KCNQ5: variants seen among roughly 807,000 people sequenced by gnomAD.
KCNQ5 encodes the protein potassium voltage-gated channel subfamily Q member 5, also known as potassium voltage-gated channel subfamily KQT member 5.
In KCNQ5, 30 loss-of-function variants were observed where a neutral mutation model predicts 98.2. The observed-to-expected ratio is 0.31, with a 90% CI of 0.23 to 0.41. The LOEUF (loss-of-function observed/expected upper bound fraction) is 0.41. Ranked by LOEUF, KCNQ5 falls within the 10% of genes least tolerant of loss-of-function variation. The pLI is 1.00. For missense variants in KCNQ5, 835 were observed against 1,182.5 expected (o/e 0.71, Z 4.31); for synonymous variants, 458 against 449.4 (o/e 1.02, Z -0.24).
intron 1 of KCNQ5, among the ~76,000 whole-genome samples, chr6:72,825,150 C>A (rs1460848375): frequency 6.7e-5 from 10 of 149,852 alleles, no homozygotes; most frequent in South Asian, 2.1e-4. Context: ...ACAACAACAA[C>A]AACAAAAAAA....
At chr6:72,881,402 A>G (rs1430419153) in intron 1 of KCNQ5, among the ~76,000 whole-genome samples, 1 of 152,216 alleles carries the variant, frequency 6.6e-6, no homozygotes, top group Non-Finnish European at 1.5e-5. Context: ...TTCTTCAAGT[A>G]TGTCTCTGAT....
intron 1 of KCNQ5, among the ~76,000 whole-genome samples, chr6:72,998,990 T>C (rs944970768): frequency 6.6e-6 from 1 of 152,206 alleles, no homozygotes; most frequent in African/African-American, 2.4e-5. Flanking sequence ...CATTGCATCA[T>C]TCACAATTGT....
Position 72,622,598 on chromosome 6 carries a change from G to A in KCNQ5, c.398+11G>A, listed in dbSNP as rs1343742521. 1 of 1,611,738 alleles carries A rather than the reference G, an allele frequency of 6.2e-7. No individual in the cohort carries two copies. The highest frequency in any genetic ancestry group is 1.3e-5 in the African/African-American group (1 of 74,920). ...CTACCACGCTTTCGTGTGAGTACCCGCGCCCCCTGCTATGCCCGCTGCAGG... is the reference window on the plus strand; with the variant it reads ...CTACCACGCTTTCGTGTGAGTACCCACGCCCCCTGCTATGCCCGCTGCAGG... On this transcript the variant is annotated intron_variant, in intron 1 of 13. Transcript: ENST00000370398. This position sits in a 1 kb window ranked among gnomAD's most constrained non-coding sequence, Gnocchi z 6.0.
At chr6:72,910,431 A>G (rs188588133) in intron 1 of KCNQ5, among the ~76,000 whole-genome samples, 3 of 152,212 alleles carry the variant, frequency 2.0e-5, no homozygotes, top group Admixed American at 1.3e-4. Flanking sequence ...TAAGAATTGC[A>G]TTTTTTCTAC....
At chr6:73,083,491 A>T (rs1364946474) in intron 5 of KCNQ5, among the ~76,000 whole-genome samples, 1 of 152,214 alleles carries the variant, frequency 6.6e-6, no homozygotes, top group Non-Finnish European at 1.5e-5. Flanking sequence ...AAAAAAAGTT[A>T]ATTTTAAAAA....
intron 1 of KCNQ5, among the ~76,000 whole-genome samples, chr6:72,709,987 A>C (rs35823995): frequency 0.069 from 10,451 of 152,210 alleles, 502 homozygotes; most frequent in Middle Eastern, 0.16. Flanking sequence ...AAATAAAGCT[A>C]TATAAGGGCA....
intron 1 of KCNQ5, among the ~76,000 whole-genome samples, chr6:72,634,779 G>A (rs35761287): frequency 0.12 from 18,329 of 152,100 alleles, 1,532 homozygotes; most frequent in Middle Eastern, 0.23. Context: ...TGTTGACCAG[G>A]CTGGTCTCGA....
intron 10 of KCNQ5, chr6:73,143,318 C>A (rs1776793482): frequency 6.6e-6 from 1 of 152,190 alleles, no homozygotes; most frequent in Non-Finnish European, 1.5e-5. Flanking sequence ...TGCAAAGTAT[C>A]TTCCTTAGCC....
intron 1 of KCNQ5, among the ~76,000 whole-genome samples, chr6:72,777,519 C>T (rs1262786159): frequency 4.2e-4 from 64 of 152,124 alleles, no homozygotes; most frequent in Non-Finnish European, 2.9e-5. Context: ...CACACATTAG[C>T]CCCGAGCTAC....
At chr6:72,651,765 A>G (rs1765886870) in intron 1 of KCNQ5, among the ~76,000 whole-genome samples, 1 of 152,050 alleles carries the variant, frequency 6.6e-6, no homozygotes, top group Non-Finnish European at 1.5e-5. Context: ...CCTTTAAACT[A>G]CTAATGGAGG....
At chr6:73,173,438 C>T (rs949072160) in intron 11 of KCNQ5, among the ~76,000 whole-genome samples, 3 of 152,142 alleles carry the variant, frequency 2.0e-5, no homozygotes, top group African/African-American at 4.8e-5. Context: ...ATACCTATTT[C>T]GTAGTAGATC....
intron 1 of KCNQ5, among the ~76,000 whole-genome samples, chr6:72,900,484 T>G (rs1344557673): frequency 6.8e-6 from 1 of 147,966 alleles, no homozygotes; most frequent in Non-Finnish European, 1.5e-5. Flanking sequence ...TTCCATCATA[T>G]ATATATATAT....
chr6:72,880,257 C>A (rs10805969), intron 1 of KCNQ5, among the ~76,000 whole-genome samples: 41,101 of 152,056 alleles, frequency 0.27, 5,819 homozygotes, highest in Admixed American at 0.3. Flanking sequence ...GTTTTAAACT[C>A]TGGGAAGTTC....
chr6:72,765,250 T>C (rs368423651), intron 1 of KCNQ5, among the ~76,000 whole-genome samples: 3 of 152,164 alleles, frequency 2.0e-5, no homozygotes, highest in African/African-American at 7.2e-5. Context: ...AGTGTACAAG[T>C]GTTCCCTTTT....
At chr6:72,623,274 CG>C (rs1194935900) in intron 1 of KCNQ5, among the ~76,000 whole-genome samples, 13 of 152,068 alleles carry the variant, frequency 8.5e-5, no homozygotes, top group Admixed American at 8.5e-4. Flanking sequence ...GGGGAGGCAG[CG>C]GGGAACCTGG....
intron 1 of KCNQ5, among the ~76,000 whole-genome samples, chr6:72,623,692 G>T (rs1485106109): frequency 1.3e-5 from 2 of 150,774 alleles, no homozygotes; most frequent in South Asian, 2.1e-4. Context: ...TATTATTTCT[G>T]CTTCTTTTTT....
intron 1 of KCNQ5, among the ~76,000 whole-genome samples, chr6:72,934,479 A>C (rs1464503000): frequency 6.6e-6 from 1 of 152,174 alleles, no homozygotes; most frequent in Non-Finnish European, 1.5e-5. Flanking sequence ...AATAAAACTA[A>C]ATAAAATGCC....
At chr6:72,705,904 T>A (rs941982927) in intron 1 of KCNQ5, among the ~76,000 whole-genome samples, 2 of 152,014 alleles carry the variant, frequency 1.3e-5, no homozygotes, top group Admixed American at 1.3e-4. Context: ...GGGTATTGCT[T>A]CTTACCAAAA....
intron 1 of KCNQ5, among the ~76,000 whole-genome samples, chr6:72,795,177 G>A (rs944034352): frequency 1.2e-4 from 19 of 152,226 alleles, no homozygotes; most frequent in Admixed American, 3.9e-4. Context: ...GGGGGAGTGC[G>A]TGTCTTATTG....
Sources: gnomAD v4.1 joint callset for allele counts (sites outside exome capture counted in the v4.1 genomes callset) on GRCh38, gnomAD v4.1.1 for gene constraint, Gnocchi (gnomAD v3.1) non-coding constraint, MANE v1.5 for transcripts, NCBI Gene and HGNC (gene_info 2026-07-23, HGNC 2026-07-21) for gene names.